The following RIMBP2 variants were observed in gnomAD, a reference collection of about 807,000 sequenced individuals.
RIMBP2 encodes the protein RIMS-binding protein 2.
A neutral mutation model predicts 118.6 loss-of-function variants in RIMBP2; 48 were observed. That is an observed-to-expected ratio of 0.40 (90% CI 0.32 to 0.51). RIMBP2 has a LOEUF of 0.51. Among genes scored for constraint, RIMBP2 ranks in the 20% least tolerant of loss-of-function variants. RIMBP2 has a pLI of 0.41. For synonymous variants in RIMBP2, 762 were observed against 742.9 expected, an observed-to-expected ratio of 1.03 and a Z score of -0.42; for missense variants, 1,551 against 1,768.3, an observed-to-expected ratio of 0.88 and a Z score of 2.20.
At chr12:130,552,174 T>C (rs1270464786) in intron 2 of RIMBP2, among the ~76,000 whole-genome samples, 1 of 152,222 alleles carries the variant, frequency 6.6e-6, no homozygotes, top group East Asian at 1.9e-4. Context: ...TATCAACTGC[T>C]TCATGTGTTT....
At chr12:130,635,908 C>T (rs1261544472) in intron 1 of RIMBP2, among the ~76,000 whole-genome samples, 1 of 152,094 alleles carries the variant, frequency 6.6e-6, no homozygotes. Context: ...CACTCTACCA[C>T]CCCCTACTGT....
At chr12:130,553,522 T>C (rs1216634513) in intron 2 of RIMBP2, among the ~76,000 whole-genome samples, 2 of 152,126 alleles carry the variant, frequency 1.3e-5, no homozygotes, top group Non-Finnish European at 2.9e-5. Context: ...GGCAGGTGGA[T>C]TGCTTGAGCC....
intron 2 of RIMBP2, among the ~76,000 whole-genome samples, chr12:130,522,374 C>T (rs376818984): frequency 2.6e-4 from 39 of 152,328 alleles, no homozygotes; most frequent in South Asian, 1.0e-3. Context: ...ACATGGCAAC[C>T]GGCCAGCCCA....
chr12:130,621,485 A>G lies in RIMBP2; in HGVS notation c.-217+6837T>C, dbSNP rs1303648327. Among the ~76,000 whole-genome samples the G allele has an allele frequency of 6.6e-6, 1 of 152,188 alleles. No homozygotes were observed. The highest frequency in any genetic ancestry group is 1.5e-5 in the Non-Finnish European group (1 of 68,038). On this transcript the variant is annotated intron_variant, in intron 2 of 22. Transcript: ENST00000690449. This position sits in a 1 kb window ranked among gnomAD's most constrained non-coding sequence, Gnocchi z 6.6. ...CTGAAGCTAGAATCTCCTCTCTTCAATTACACCTGTCAAGAGCTCCCGTTT... is the reference window on the plus strand; with the variant it reads ...CTGAAGCTAGAATCTCCTCTCTTCAGTTACACCTGTCAAGAGCTCCCGTTT...
intron 12 of RIMBP2, among the ~76,000 whole-genome samples, chr12:130,437,709 A>G (rs375957054): frequency 3.9e-5 from 6 of 152,172 alleles, no homozygotes; most frequent in African/African-American, 1.4e-4. Context: ...CCTCCTCTGC[A>G]GGGGCCAGGG....
intron 14 of RIMBP2, 123 bp from the exon 15 acceptor site, chr12:130,428,460 G>T (rs1385098120): frequency 1.0e-6 from 1 of 970,062 alleles, no homozygotes; most frequent in East Asian, 2.6e-5. Flanking sequence ...GCCTAGAGAC[G>T]GGCACAGGGT....
intron 11 of RIMBP2, among the ~76,000 whole-genome samples, chr12:130,440,327 G>C (rs1220377499): frequency 6.6e-6 from 1 of 152,124 alleles, no homozygotes; most frequent in African/African-American, 2.4e-5. Context: ...TGTGGTTGAA[G>C]CATGAATTCT....
At chr12:130,681,390 A>G (rs1283091945) in intron 1 of RIMBP2, among the ~76,000 whole-genome samples, 2 of 152,262 alleles carry the variant, frequency 1.3e-5, no homozygotes, top group African/African-American at 2.4e-5. Flanking sequence ...AACTTTAAGT[A>G]TACTCACAAT....
intron 2 of RIMBP2, among the ~76,000 whole-genome samples, chr12:130,567,924 T>A (rs2057346056): frequency 6.6e-6 from 1 of 152,146 alleles, no homozygotes; most frequent in Non-Finnish European, 1.5e-5. Context: ...CCTGTGCCTT[T>A]CAGTGCACCT....
At chr12:130,530,609 G>GA (rs2053269294) in intron 2 of RIMBP2, among the ~76,000 whole-genome samples, 5 of 152,172 alleles carry the variant, frequency 3.3e-5, no homozygotes, top group Admixed American at 3.3e-4. Context: ...GTGCCTGAGG[G>GA]AAAACCTATC....
At chr12:130,653,009 T>C (rs1442535143) in intron 1 of RIMBP2, among the ~76,000 whole-genome samples, 1 of 152,204 alleles carries the variant, frequency 6.6e-6, no homozygotes, top group East Asian at 1.9e-4. Context: ...CATTTTGACA[T>C]GAGATTTGGA....
intron 2 of RIMBP2, among the ~76,000 whole-genome samples, chr12:130,531,498 A>G (rs532892971): frequency 6.6e-6 from 1 of 152,392 alleles, no homozygotes; most frequent in Non-Finnish European, 1.5e-5. Flanking sequence ...TCTGTGAAAT[A>G]GCAGCCCTTC....
chr12:130,714,670 G>GC (rs1274772464), intron 1 of RIMBP2, among the ~76,000 whole-genome samples: 1 of 152,194 alleles, frequency 6.6e-6, no homozygotes, highest in Non-Finnish European at 1.5e-5. Flanking sequence ...CCACGGCACA[G>GC]CCCTCGACCC....
chr12:130,410,421 C>T (rs1797068563), intron 19 of RIMBP2, among the ~76,000 whole-genome samples: 2 of 152,082 alleles, frequency 1.3e-5, no homozygotes, highest in African/African-American at 4.8e-5. Context: ...GTTTTAATGT[C>T]CTGTCAAAGA....
chr12:130,509,116 G>T (rs756748495), intron 3 of RIMBP2, among the ~76,000 whole-genome samples: 2 of 152,234 alleles, frequency 1.3e-5, no homozygotes, highest in Non-Finnish European at 2.9e-5. Context: ...CTGCTGGCGA[G>T]CCTGGCCCTT....
chr12:130,399,050 C>T, intron 22 of RIMBP2: 1 of 835,968 alleles, frequency 1.2e-6, no homozygotes, highest in Non-Finnish European at 1.7e-6. Flanking sequence ...TTAAGTCTAC[C>T]ACACTGGCCC....
intron 1 of RIMBP2, among the ~76,000 whole-genome samples, chr12:130,708,838 G>A (rs745905824): frequency 6.6e-6 from 1 of 152,214 alleles, no homozygotes; most frequent in African/African-American, 2.4e-5. Context: ...AACCGGCTCC[G>A]CCCCAGCTTC....
intron 1 of RIMBP2, among the ~76,000 whole-genome samples, chr12:130,706,312 G>A (rs186959851): frequency 3.1e-4 from 47 of 152,312 alleles, no homozygotes; most frequent in East Asian, 1.2e-3. Flanking sequence ...ATAACAATCC[G>A]TCGAGGAGAA....
chr12:130,493,242 T>G (rs2048812456), intron 4 of RIMBP2, among the ~76,000 whole-genome samples: 1 of 152,198 alleles, frequency 6.6e-6, no homozygotes, highest in African/African-American at 2.4e-5. Context: ...TGGCTTCTGT[T>G]AGTTCCCTCC....
Sources: allele counts gnomAD v4.1 joint callset (sites outside exome capture counted in the v4.1 genomes callset), GRCh38; gene constraint gnomAD v4.1.1; non-coding constraint Gnocchi (gnomAD v3.1); transcripts MANE v1.5; gene names NCBI Gene and HGNC (gene_info 2026-07-23, HGNC 2026-07-21).